ARHGAP26: variants seen among roughly 807,000 people sequenced by gnomAD.
ARHGAP26 encodes rho GTPase-activating protein 26.
In ARHGAP26, 38 loss-of-function variants were observed where a neutral mutation model predicts 104.8. The ratio of observed to expected loss-of-function variants is 0.36; its 90% CI spans 0.28 to 0.48. The LOEUF (loss-of-function observed/expected upper bound fraction) is 0.48. Ranked by LOEUF, ARHGAP26 falls within the 20% of genes least tolerant of loss-of-function variation. The probability of loss-of-function intolerance (pLI) is 0.99; values close to 1 mark genes in which losing one functional copy is unlikely to be tolerated. For missense variants in ARHGAP26, 704 were observed against 947.9 expected (o/e 0.74, Z 3.38); for synonymous variants, 341 against 340.0 (o/e 1.00, Z -0.03).
At chr5:143,218,300 A>G (rs1301954068) in intron 22 of ARHGAP26, among the ~76,000 whole-genome samples, 1 of 152,178 alleles carries the variant, frequency 6.6e-6, no homozygotes, top group Non-Finnish European at 1.5e-5. Flanking sequence ...TCCTTTTACC[A>G]CTACCTAAAA....
At chr5:142,778,479 T>C (rs1756819057) in intron 1 of ARHGAP26, among the ~76,000 whole-genome samples, 1 of 152,184 alleles carries the variant, frequency 6.6e-6, no homozygotes, top group South Asian at 2.1e-4. Context: ...ACTATAAGGA[T>C]TATTTTGTGT....
At chr5:142,875,979 G>C (rs1052582424) in intron 3 of ARHGAP26, among the ~76,000 whole-genome samples, 3 of 152,198 alleles carry the variant, frequency 2.0e-5, no homozygotes, top group Non-Finnish European at 2.9e-5. Flanking sequence ...CAAACCTTAA[G>C]TGATCCTCCT....
At chr5:143,008,516 A>G (rs1415334819) in intron 11 of ARHGAP26, among the ~76,000 whole-genome samples, 1 of 152,242 alleles carries the variant, frequency 6.6e-6, no homozygotes, top group Non-Finnish European at 1.5e-5. Context: ...GGGAACAGCC[A>G]GGTGGGAGGA....
rs115701788 is a variant in ARHGAP26, at chr5:142,874,513, G to T, written c.251-597G>T. Among the ~76,000 whole-genome samples, 1,142 of 152,280 alleles carry T rather than the reference G, an allele frequency of 7.5e-3. 15 individuals carry two copies. The highest frequency in any genetic ancestry group is 0.026 in the African/African-American group (1,087 of 41,536). On this transcript the variant is annotated intron_variant, in intron 2 of 22. Transcript: ENST00000645722. ...TTTCCCAACATGGCTCAAGGGTCTCGAGTATCCTCAGGGCCATTGCACGTA... is the reference window on the plus strand; with the variant it reads ...TTTCCCAACATGGCTCAAGGGTCTCTAGTATCCTCAGGGCCATTGCACGTA...
rs1755021721 is a variant in ARHGAP26, at chr5:142,770,706, G to A, written c.-56G>A. The A allele has an allele frequency of 1.8e-6, 2 of 1,103,096 alleles. No individual in the cohort carries two copies. The highest frequency in any genetic ancestry group is 2.2e-6 in the Non-Finnish European group (2 of 900,708). 68.3% of individuals were successfully genotyped at this position (1,103,096 alleles called of 1,614,324 possible). On this transcript the variant is annotated 5_prime_UTR_variant, in exon 1 of 23. Transcript: ENST00000645722. ...TCCCGCCGCGTGAGTGCTCTGGGCGGCGGGCGGCCCGGGCCCCGGCGGAGG... is the reference window on the plus strand; with the variant it reads ...TCCCGCCGCGTGAGTGCTCTGGGCGACGGGCGGCCCGGGCCCCGGCGGAGG...
chr5:142,827,466 A>G (rs762495127), intron 1 of ARHGAP26, among the ~76,000 whole-genome samples: 1 of 152,230 alleles, frequency 6.6e-6, no homozygotes, highest in Non-Finnish European at 1.5e-5. Flanking sequence ...TAATGGTTGT[A>G]GAATTTGTGG....
intron 17 of ARHGAP26, among the ~76,000 whole-genome samples, chr5:143,109,410 G>T (rs1245649185): frequency 3.3e-5 from 5 of 152,060 alleles, no homozygotes; most frequent in African/African-American, 1.2e-4. Context: ...TGGGTTTTAT[G>T]CTAGCTTGTA....
chr5:143,220,170 G>T (rs1810949988), intron 22 of ARHGAP26, among the ~76,000 whole-genome samples: 1 of 152,162 alleles, frequency 6.6e-6, no homozygotes, highest in South Asian at 2.1e-4. Context: ...GGAGGGCCTG[G>T]TTTTTGTTTT....
chr5:143,155,657 G>A (rs1174500760), intron 20 of ARHGAP26, among the ~76,000 whole-genome samples: 1 of 152,224 alleles, frequency 6.6e-6, no homozygotes, highest in Admixed American at 6.5e-5. Flanking sequence ...GAGGAGGTAA[G>A]GGCAGAGCGC....
chr5:143,226,209 C>T lies in ARHGAP26; in HGVS notation c.*3763C>T. 5.5e-6 allele frequency: 1 copy of T among 181,556 alleles called. No individual in the cohort carries two copies. The allele number at this position is 181,556 out of a possible 1,614,324, so 11.2% of individuals were successfully genotyped here. On this transcript the variant is annotated 3_prime_UTR_variant, in exon 23 of 23. Coordinates refer to ENST00000645722, the MANE Select transcript of ARHGAP26 (RefSeq NM_001135608.3). ...AGCTAAAGAATGCCATGGCCGGGTGCAGTGGCTCACGCCTATAATCCCAGC... is the reference window on the plus strand; with the variant it reads ...AGCTAAAGAATGCCATGGCCGGGTGTAGTGGCTCACGCCTATAATCCCAGC...
intron 9 of ARHGAP26, among the ~76,000 whole-genome samples, chr5:142,908,328 TA>T (rs2152470628): frequency 6.6e-6 from 1 of 152,324 alleles, no homozygotes; most frequent in African/African-American, 2.4e-5. Flanking sequence ...AGGTTTCTCA[TA>T]AAGTACTAAG....
chr5:143,121,966 A>G (rs1483855878), intron 18 of ARHGAP26, among the ~76,000 whole-genome samples: 1 of 152,212 alleles, frequency 6.6e-6, no homozygotes, highest in African/African-American at 2.4e-5. Context: ...CAAATTAATC[A>G]TGCACAATAA....
chr5:142,915,106 G>A (rs893528098), intron 10 of ARHGAP26, among the ~76,000 whole-genome samples: 3 of 152,082 alleles, frequency 2.0e-5, no homozygotes, highest in Non-Finnish European at 4.4e-5. Flanking sequence ...GGCTTTTTAG[G>A]CGATTAAAGC....
intron 1 of ARHGAP26, among the ~76,000 whole-genome samples, chr5:142,781,689 A>C (rs1757516436): frequency 6.6e-6 from 1 of 152,160 alleles, no homozygotes; most frequent in Admixed American, 6.5e-5. Flanking sequence ...ATAAACACTG[A>C]TAAGTTATAG....
At chr5:142,794,497 T>G (rs1223809330) in intron 1 of ARHGAP26, among the ~76,000 whole-genome samples, 1 of 152,204 alleles carries the variant, frequency 6.6e-6, no homozygotes, top group Non-Finnish European at 1.5e-5. Flanking sequence ...TTACCCACAT[T>G]TGAAAATTAC....
At chr5:142,982,497 G>A (rs1774088080) in intron 11 of ARHGAP26, among the ~76,000 whole-genome samples, 1 of 152,168 alleles carries the variant, frequency 6.6e-6, no homozygotes, top group Non-Finnish European at 1.5e-5. Flanking sequence ...AGCGGGCAGG[G>A]CTGCAGAACA....
chr5:142,886,058 A>G (rs1336978081), intron 5 of ARHGAP26, among the ~76,000 whole-genome samples: 1 of 152,146 alleles, frequency 6.6e-6, no homozygotes, highest in African/African-American at 2.4e-5. Flanking sequence ...GACCATTTTT[A>G]TTTAGTTCAT....
rs116714550 is a variant in ARHGAP26, at chr5:142,813,333, G to A, written c.154+42418G>A. ...CCCAGCCTCTGAAAGGCAATACCAG[G>A]TCAGTCTCCATTGACTTCAGCACTC... On this transcript the variant is annotated intron_variant, in intron 1 of 22. Coordinates refer to ENST00000645722, the MANE Select transcript of ARHGAP26 (RefSeq NM_001135608.3). Among the ~76,000 whole-genome samples, 717 of 152,298 alleles carry A rather than the reference G, an allele frequency of 4.7e-3. 10 individuals carry two copies. The highest frequency in any genetic ancestry group is 0.015 in the African/African-American group (632 of 41,546).
intron 1 of ARHGAP26, among the ~76,000 whole-genome samples, chr5:142,869,212 T>C (rs1222068302): frequency 2.0e-5 from 3 of 148,458 alleles, no homozygotes; most frequent in African/African-American, 2.5e-5. Flanking sequence ...TTTTTTCTTT[T>C]TTTTTTTTTT....
Sources: gnomAD v4.1 joint callset for allele counts (sites outside exome capture counted in the v4.1 genomes callset) on GRCh38, gnomAD v4.1.1 for gene constraint, MANE v1.5 for transcripts, NCBI Gene and HGNC (gene_info 2026-07-23, HGNC 2026-07-21) for gene names.